The following TSNAX variants were observed in gnomAD, a reference collection of about 807,000 sequenced individuals.
The protein encoded by TSNAX is translin associated factor X.
A neutral mutation model predicts 33.0 loss-of-function variants in TSNAX; 12 were observed. That is an observed-to-expected ratio of 0.36 (90% CI 0.23 to 0.59). The LOEUF (loss-of-function observed/expected upper bound fraction) is 0.59. TSNAX is among the 20% of genes least tolerant of loss of function. TSNAX has a pLI of 0.74. For synonymous variants in TSNAX, 110 were observed against 117.2 expected (o/e 0.94, Z 0.40); for missense variants, 267 against 341.3 (o/e 0.78, Z 1.72).
At chr1:231,548,123 G>A (rs1660067090) in intron 4 of TSNAX, among the ~76,000 whole-genome samples, 2 of 152,158 alleles carry the variant, frequency 1.3e-5, no homozygotes, top group South Asian at 4.2e-4. Context: ...ATGAGCCACC[G>A]CGCCTGGCCA....
Position 231,561,525 on chromosome 1 carries a change from A to C in TSNAX, c.495+270A>C, listed in dbSNP as rs116648280. Among the ~76,000 whole-genome samples the C allele has an allele frequency of 2.2e-3, 329 of 152,114 alleles. 2 individuals carry two copies. The highest frequency in any genetic ancestry group is 7.5e-3 in the African/African-American group (311 of 41,508). The stretch of plus-strand genomic sequence containing the variant: ...AAGTCCTCTTTTGGTTTTACTCTCT[A>C]TTTTTCACTTGCCCTTTGTAAGCAC... On this transcript the variant is annotated intron_variant, in intron 5 of 5. Coordinates refer to ENST00000366639, the MANE Select transcript of TSNAX (RefSeq NM_005999.3).
intron 4 of TSNAX, among the ~76,000 whole-genome samples, chr1:231,543,632 G>C (rs1012490178): frequency 6.6e-6 from 1 of 152,094 alleles, no homozygotes; most frequent in African/African-American, 2.4e-5. Context: ...CCCAGTTTTA[G>C]CCTAAACGTT....
chr1:231,537,864 TATATG>T (rs746854038), intron 3 of TSNAX, among the ~76,000 whole-genome samples: 15 of 152,058 alleles, frequency 9.9e-5, no homozygotes, highest in African/African-American at 2.4e-4. Context: ...TCTGTGAAAA[TATATG>T]ATATATTTTG....
At chr1:231,534,063 G>A (rs1041431070) in intron 2 of TSNAX, 1 of 152,148 alleles carries the variant, frequency 6.6e-6, no homozygotes, top group African/African-American at 2.4e-5. Context: ...ATCTGGAACA[G>A]TTTCCCAGTT....
intron 4 of TSNAX, among the ~76,000 whole-genome samples, chr1:231,549,431 CAAAAAT>C (rs1660160085): frequency 6.6e-6 from 1 of 151,958 alleles, no homozygotes; most frequent in African/African-American, 2.4e-5. Flanking sequence ...GCCCCCAGCC[CAAAAAT>C]AAAAATAAAA....
At chr1:231,550,106 T>G (rs1660203627) in intron 4 of TSNAX, among the ~76,000 whole-genome samples, 1 of 152,242 alleles carries the variant, frequency 6.6e-6, no homozygotes, top group African/African-American at 2.4e-5. Flanking sequence ...TACACCTCAA[T>G]GGACTAATTT....
intron 3 of TSNAX, 112 bp from the exon 4 acceptor site, chr1:231,542,359 GTTTTGAGTTA>G: frequency 1.0e-6 from 1 of 965,662 alleles, no homozygotes; most frequent in Non-Finnish European, 1.5e-6. Context: ...GTTTTGAGTA[GTTTTGAGTTA>G]GAAGTATATG....
chr1:231,539,947 G>A (rs1282221074), intron 3 of TSNAX, among the ~76,000 whole-genome samples: 1 of 152,150 alleles, frequency 6.6e-6, no homozygotes, highest in Non-Finnish European at 1.5e-5. Flanking sequence ...CACTTTGGGA[G>A]GCCAAGGCAG....
chr1:231,564,584 T>A lies in TSNAX; in HGVS notation c.552T>A (p.Pro184=). The change falls in exon 6 of 6, where the codon CCT becomes CCA. Residue 184 remains proline (P), a synonymous_variant. Coordinates refer to ENST00000366639, the MANE Select transcript of TSNAX (RefSeq NM_005999.3). ...GTACTTGGAGACTGAGAGTCACACC[T>A]GTCGATTACCTTCTGGGAGTGGCTG... ...QFGTWRLRVT[P]VDYLLGVADL... 2.5e-6 allele frequency: 4 copies of A among 1,614,154 alleles called. No individual in the cohort carries two copies. Among genetic ancestry groups the A allele is most frequent in the Non-Finnish European group, 3.4e-6 (4 of 1,180,016 alleles).
intron 2 of TSNAX, chr1:231,534,986 AT>A (rs1470884522): frequency 2.6e-5 from 4 of 152,254 alleles, no homozygotes; most frequent in Non-Finnish European, 4.4e-5. Context: ...GCAGAATGAT[AT>A]CTGAATGATG....
At chr1:231,554,383 A>C (rs114031856) in intron 4 of TSNAX, among the ~76,000 whole-genome samples, 4,417 of 152,190 alleles carry the variant, frequency 0.029, 250 homozygotes, top group African/African-American at 0.1. Flanking sequence ...TTACGGGAAA[A>C]AGTTGAGTCT....
At position 231,542,464 on chromosome 1, in the gene TSNAX, C is replaced by A; in HGVS notation, c.237-17C>A. The A allele has an allele frequency of 6.2e-7, 1 of 1,611,086 alleles. No homozygotes were observed. The highest frequency in any genetic ancestry group is 1.1e-5 in the South Asian group (1 of 90,494). On this transcript the variant is annotated splice_polypyrimidine_tract_variant and intron_variant, in intron 3 of 5. Coordinates refer to ENST00000366639, the MANE Select transcript of TSNAX (RefSeq NM_005999.3). Reference sequence around the variant, plus strand: ...AAGCATCTGATGTTCTAAAAGTTCCCAATATCTTGATCATAGTGCTCCTGA... The same window carrying A: ...AAGCATCTGATGTTCTAAAAGTTCCAAATATCTTGATCATAGTGCTCCTGA...
chr1:231,550,060 A>G (rs749399554), intron 4 of TSNAX, among the ~76,000 whole-genome samples: 2 of 152,134 alleles, frequency 1.3e-5, no homozygotes, highest in Non-Finnish European at 2.9e-5. Flanking sequence ...GTGTGTCCTA[A>G]TATTTCCTTA....
chr1:231,534,078 C>T (rs1293260946), intron 2 of TSNAX: 1 of 152,108 alleles, frequency 6.6e-6, no homozygotes, highest in African/African-American at 2.4e-5. Flanking sequence ...CCAGTTTTGT[C>T]TTTCTTGACA....
At chr1:231,562,325 T>G (rs1661174280) in intron 5 of TSNAX, among the ~76,000 whole-genome samples, 1 of 151,812 alleles carries the variant, frequency 6.6e-6, no homozygotes, top group Non-Finnish European at 1.5e-5. Context: ...AAATAATATT[T>G]TCTTGAATAT....
chr1:231,536,285 A>G (rs945199155), intron 2 of TSNAX: 2 of 152,170 alleles, frequency 1.3e-5, no homozygotes, highest in Non-Finnish European at 2.9e-5. Context: ...AATATTTCTG[A>G]AGTATATTAT....
chr1:231,530,328 C>T (rs1405056136), intron 2 of TSNAX, among the ~76,000 whole-genome samples: 1 of 152,190 alleles, frequency 6.6e-6, no homozygotes, highest in Non-Finnish European at 1.5e-5. Context: ...TGAAAACCAC[C>T]ACAGTATCTA....
intron 2 of TSNAX, chr1:231,534,636 G>A (rs1345214727): frequency 6.6e-6 from 1 of 152,158 alleles, no homozygotes; most frequent in African/African-American, 2.4e-5. Context: ...CATGTTAGGG[G>A]CAGTGCTTAT....
chr1:231,561,291 A>G (rs149649813), intron 5 of TSNAX, 36 bp downstream of exon 5: 2 of 1,409,382 alleles, frequency 1.4e-6, no homozygotes, highest in African/African-American at 3.0e-5. Context: ...TTTGTTATAT[A>G]ATTTATGTAA....
Sources: allele counts gnomAD v4.1 joint callset (sites outside exome capture counted in the v4.1 genomes callset), GRCh38; gene constraint gnomAD v4.1.1; transcripts MANE v1.5; gene names NCBI Gene and HGNC (gene_info 2026-07-23, HGNC 2026-07-21).